TMEM50A: variants seen among roughly 807,000 people sequenced by gnomAD.
TMEM50A encodes the protein cervical cancer oncogene 9.
A neutral mutation model predicts 23.9 loss-of-function variants in TMEM50A; 8 were observed. The ratio of observed to expected loss-of-function variants is 0.33; its 90% CI spans 0.20 to 0.60. The LOEUF (loss-of-function observed/expected upper bound fraction) is 0.60, where lower values mean the gene tolerates loss of function less well. TMEM50A is among the 20% of genes least tolerant of loss of function. TMEM50A has a pLI of 0.81. For missense variants in TMEM50A, 178 were observed against 192.7 expected (o/e 0.92, Z 0.45); for synonymous variants, 55 against 60.4 (o/e 0.91, Z 0.41).
intron 2 of TMEM50A, among the ~76,000 whole-genome samples, chr1:25,341,538 G>A (rs1645168607): frequency 6.6e-6 from 1 of 151,970 alleles, no homozygotes; most frequent in Admixed American, 6.6e-5. Context: ...GAGCCACCGC[G>A]CCTGGCCTTG....
At chr1:25,353,333 A>C (rs1007120808) in intron 5 of TMEM50A, among the ~76,000 whole-genome samples, 1 of 152,180 alleles carries the variant, frequency 6.6e-6, no homozygotes, top group Non-Finnish European at 1.5e-5. Flanking sequence ...CCCAGGCTGG[A>C]GTGCAATGGC....
Position 25,356,886 on chromosome 1 carries a change from G to GT in TMEM50A, c.428+42dup, listed in dbSNP as rs200958395. The GT allele has an allele frequency of 1.4e-3, 2,006 of 1,477,824 alleles. 3 individuals carry two copies. In the African/African-American group the frequency reaches 0.014, roughly 10 times the overall value. The allele number at this position is 1,477,824 out of a possible 1,614,324, so 91.5% of individuals were successfully genotyped here. ...TGTTTTGCATTCTTTATGTTTGTTT[G>GT]TTTTTTTTTAAAATAGCTTCTTTTA... On this transcript the variant is annotated intron_variant, in intron 6 of 6. Coordinates refer to ENST00000374358, the MANE Select transcript of TMEM50A (RefSeq NM_014313.4).
chr1:25,340,913 T>G (rs148332781), intron 2 of TMEM50A, among the ~76,000 whole-genome samples: 7 of 152,320 alleles, frequency 4.6e-5, no homozygotes, highest in African/African-American at 1.2e-4. Context: ...AGTCAATAGA[T>G]GTGATTGCAT....
At chr1:25,353,473 G>A (rs961667635) in intron 5 of TMEM50A, among the ~76,000 whole-genome samples, 2 of 152,092 alleles carry the variant, frequency 1.3e-5, no homozygotes, top group African/African-American at 4.8e-5. Context: ...TATAGAGATG[G>A]ATCTTGCTAT....
Position 25,362,356 on chromosome 1 carries a change from A to C in TMEM50A, c.*1651A>C. On this transcript the variant is annotated 3_prime_UTR_variant, in exon 7 of 7. Coordinates refer to ENST00000374358, the MANE Select transcript of TMEM50A (RefSeq NM_014313.4). ...TTTAAACTTATTAAATTGACTCTTA[A>C]ACTAAGTTTTTAGTCTTTAATTTTT... 6 of 1,452,300 alleles carry C rather than the reference A, an allele frequency of 4.1e-6. No individual in the cohort carries two copies. In the South Asian group the frequency reaches 5.0e-5, roughly 12 times the overall value. The allele number at this position is 1,452,300 out of a possible 1,614,324, so 90.0% of individuals were successfully genotyped here.
intron 2 of TMEM50A, among the ~76,000 whole-genome samples, chr1:25,341,208 A>T (rs753234817): frequency 1.3e-5 from 2 of 151,736 alleles, no homozygotes; most frequent in Non-Finnish European, 2.9e-5. Flanking sequence ...TTTTATTTTT[A>T]TTTTTTGAGA....
intron 3 of TMEM50A, among the ~76,000 whole-genome samples, chr1:25,346,183 T>C (rs574683063): frequency 6.6e-6 from 1 of 152,326 alleles, no homozygotes; most frequent in African/African-American, 2.4e-5. Context: ...TTTTAATTTC[T>C]AAGGGCCTTT....
chr1:25,345,722 G>A (rs1645207766), intron 3 of TMEM50A, among the ~76,000 whole-genome samples: 1 of 151,812 alleles, frequency 6.6e-6, no homozygotes, highest in Admixed American at 6.6e-5. Flanking sequence ...CTCCAGCCTG[G>A]GCGACAGAGG....
intron 1 of TMEM50A, among the ~76,000 whole-genome samples, chr1:25,340,094 C>T (rs1319886278): frequency 2.6e-5 from 4 of 151,958 alleles, no homozygotes; most frequent in Admixed American, 1.3e-4. Context: ...GCGCCACCAC[C>T]CCCGGCTAAT....
chr1:25,339,523 T>C (rs1366721765), intron 1 of TMEM50A, among the ~76,000 whole-genome samples: 1 of 152,152 alleles, frequency 6.6e-6, no homozygotes, highest in East Asian at 1.9e-4. Flanking sequence ...GGAAATGATG[T>C]GGGTAGAGGT....
intron 3 of TMEM50A, among the ~76,000 whole-genome samples, chr1:25,349,739 G>C (rs1645257574): frequency 6.6e-6 from 1 of 152,132 alleles, no homozygotes; most frequent in Non-Finnish European, 1.5e-5. Context: ...ACTGGCACAA[G>C]CTACCAGGCC....
rs993265950 is a variant in TMEM50A at position 25,360,810 on chromosome 1, G to A, written c.*105G>A. ...TGCCATTTTCTAAACTTATTTCTGA[G>A]TGTAGTCTCAGCTTAAAGTTGTGTA... On this transcript the variant is annotated 3_prime_UTR_variant, in exon 7 of 7. Coordinates refer to ENST00000374358, the MANE Select transcript of TMEM50A (RefSeq NM_014313.4). The A allele has an allele frequency of 1.5e-5, 19 of 1,274,506 alleles. No individual in the cohort carries two copies. The highest frequency in any genetic ancestry group is 2.0e-5 in the Non-Finnish European group (18 of 894,970). The allele number at this position is 1,274,506 out of a possible 1,614,324, so 78.9% of individuals were successfully genotyped here. A position where few individuals can be genotyped will look rare whatever the true frequency, so the allele number is the denominator to read the frequency against.
At chr1:25,351,793 T>TGA (rs1377099609) in intron 4 of TMEM50A, 100 bp downstream of exon 4, 2 of 975,354 alleles carry the variant, frequency 2.1e-6, no homozygotes, top group Admixed American at 2.6e-5. Flanking sequence ...AATATATCTG[T>TGA]GAGTAACAGC....
intron 3 of TMEM50A, among the ~76,000 whole-genome samples, chr1:25,343,862 C>T (rs1478537340): frequency 6.6e-6 from 1 of 152,138 alleles, no homozygotes; most frequent in Non-Finnish European, 1.5e-5. Flanking sequence ...AGTATAACTG[C>T]AGTAGCAAGA....
chr1:25,360,804 T>C lies in TMEM50A; in HGVS notation c.*99T>C. On this transcript the variant is annotated 3_prime_UTR_variant, in exon 7 of 7. Transcript: ENST00000374358. ...TTGTAATGCCATTTTCTAAACTTAT[T>C]TCTGAGTGTAGTCTCAGCTTAAAGT... 7.5e-7 allele frequency: 1 copy of C among 1,329,772 alleles called. No homozygotes were observed. The highest frequency in any genetic ancestry group is 1.1e-6 in the Non-Finnish European group (1 of 938,868). 82.4% of individuals were successfully genotyped at this position (1,329,772 alleles called of 1,614,324 possible).
At chr1:25,359,392 G>A (rs3093639) in intron 6 of TMEM50A, among the ~76,000 whole-genome samples, 13,923 of 151,978 alleles carry the variant, frequency 0.092, 2,023 homozygotes, top group African/African-American at 0.31. Flanking sequence ...AACTGTAGAC[G>A]TTCCCTCACC....
chr1:25,358,350 A>G (rs895398381), intron 6 of TMEM50A, among the ~76,000 whole-genome samples: 1 of 152,184 alleles, frequency 6.6e-6, no homozygotes, highest in Admixed American at 6.5e-5. Context: ...CTGGAAAGAG[A>G]TAGTCTGTGG....
chr1:25,346,358 C>T (rs1645217463), intron 3 of TMEM50A, among the ~76,000 whole-genome samples: 1 of 151,478 alleles, frequency 6.6e-6, no homozygotes, highest in Non-Finnish European at 1.5e-5. Flanking sequence ...AATCATCGTG[C>T]CTAAGAACTA....
At chr1:25,348,663 G>A (rs373148746) in intron 3 of TMEM50A, among the ~76,000 whole-genome samples, 47 of 137,378 alleles carry the variant, frequency 3.4e-4, no homozygotes, top group South Asian at 2.6e-3. Flanking sequence ...CCAGCCTGGC[G>A]ATAGAGCAAG....
Sources: allele counts gnomAD v4.1 joint callset (sites outside exome capture counted in the v4.1 genomes callset), GRCh38; gene constraint gnomAD v4.1.1; transcripts MANE v1.5; gene names NCBI Gene and HGNC (gene_info 2026-07-23, HGNC 2026-07-21).